EGLN1: variants seen among roughly 807,000 people sequenced by gnomAD.
EGLN1 encodes egl-9 family hypoxia inducible factor 1, also known as egl nine homolog 1.
EGLN1 carries 17 observed loss-of-function variants against 38.3 expected under a neutral mutation model. The ratio of observed to expected loss-of-function variants is 0.44; its 90% CI spans 0.30 to 0.67. EGLN1 has a LOEUF of 0.67. Ranked by LOEUF, EGLN1 falls within the 30% of genes least tolerant of loss-of-function variation. EGLN1 has a pLI of 0.08. For synonymous variants in EGLN1, 283 were observed against 257.5 expected, an observed-to-expected ratio of 1.10 and a Z score of -0.95; for missense variants, 477 against 603.3, an observed-to-expected ratio of 0.79 and a Z score of 2.19.
Position 231,421,175 on chromosome 1 carries a change from C to T in EGLN1, c.714G>A (p.Gly238=). 1.2e-6 allele frequency: 2 copies of T among 1,614,176 alleles called. No homozygotes were observed. The highest frequency in any genetic ancestry group is 1.1e-5 in the South Asian group (1 of 91,090). Residue 238 remains glycine (G), a synonymous_variant, in exon 1 of 5, where the codon GGG becomes GGA. Transcript: ENST00000366641. This position sits in a 1 kb window ranked among gnomAD's most constrained non-coding sequence, Gnocchi z 5.5. Reference sequence around the variant, plus strand: ...AGTCACTCTTCTGGCTGACCAGCTGCCCGTCCGTGAACTTCCCGGTGTCGT... The same window carrying T: ...AGTCACTCTTCTGGCTGACCAGCTGTCCGTCCGTGAACTTCCCGGTGTCGT... The part of the protein sequence containing the change: ...ALHDTGKFTD[G]QLVSQKSDSS...
intron 1 of EGLN1, among the ~76,000 whole-genome samples, chr1:231,401,709 ACT>A (rs1215579399): frequency 3.3e-5 from 5 of 152,068 alleles, no homozygotes; most frequent in African/African-American, 1.2e-4. Flanking sequence ...GATGAAGCAC[ACT>A]CTGTTTACTC....
chr1:231,367,997 T>C (rs935256619), intron 3 of EGLN1, among the ~76,000 whole-genome samples: 4 of 151,836 alleles, frequency 2.6e-5, no homozygotes, highest in South Asian at 2.1e-4. Context: ...ACCTGGCCAA[T>C]AGGGTGAAAC....
chr1:231,384,070 T>C (rs11122280), intron 1 of EGLN1, among the ~76,000 whole-genome samples: 87,563 of 151,626 alleles, frequency 0.58, 26,019 homozygotes, highest in Non-Finnish European at 0.65. Flanking sequence ...TAGATGAGAG[T>C]CAGAATAAAG....
At chr1:231,375,156 A>G (rs1054253825) in intron 1 of EGLN1, among the ~76,000 whole-genome samples, 44 of 152,292 alleles carry the variant, frequency 2.9e-4, no homozygotes, top group Admixed American at 2.5e-3. Flanking sequence ...TCCAGGTTCA[A>G]GCGATTCTCC....
At chr1:231,384,331 C>CAGGAA (rs1362953571) in intron 1 of EGLN1, among the ~76,000 whole-genome samples, 1 of 148,684 alleles carries the variant, frequency 6.7e-6, no homozygotes, top group Non-Finnish European at 1.5e-5. Flanking sequence ...TTTATTCTAG[C>CAGGAA]AGGAAAAGAA....
At chr1:231,387,634 T>C (rs370061065) in intron 1 of EGLN1, among the ~76,000 whole-genome samples, 1 of 152,236 alleles carries the variant, frequency 6.6e-6, no homozygotes, top group South Asian at 2.1e-4. Flanking sequence ...GCTGGGATTA[T>C]AGGCGTGAGC....
At chr1:231,378,977 A>G (rs1445919529) in intron 1 of EGLN1, among the ~76,000 whole-genome samples, 1 of 152,168 alleles carries the variant, frequency 6.6e-6, no homozygotes, top group African/African-American at 2.4e-5. Flanking sequence ...TAGGCCAGGC[A>G]TGGATTACCT....
intron 1 of EGLN1, among the ~76,000 whole-genome samples, chr1:231,376,602 G>T (rs762846560): frequency 6.6e-6 from 1 of 152,052 alleles, no homozygotes; most frequent in South Asian, 2.1e-4. Flanking sequence ...ACTTGGTCTC[G>T]GAAGGTATTG....
At chr1:231,372,008 TAAAGAAC>T (rs1347182658) in intron 2 of EGLN1, among the ~76,000 whole-genome samples, 1 of 152,214 alleles carries the variant, frequency 6.6e-6, no homozygotes, top group African/African-American at 2.4e-5. Context: ...TGCAAACATC[TAAAGAAC>T]CTCCAAACTG....
At chr1:231,406,490 T>C (rs1055240704) in intron 1 of EGLN1, among the ~76,000 whole-genome samples, 4 of 152,060 alleles carry the variant, frequency 2.6e-5, no homozygotes, top group African/African-American at 9.7e-5. Flanking sequence ...TTTTGTTCTA[T>C]AGCCAGACTG....
chr1:231,399,353 A>G (rs1289762701), intron 1 of EGLN1, among the ~76,000 whole-genome samples: 11 of 152,234 alleles, frequency 7.2e-5, no homozygotes, highest in African/African-American at 2.7e-4. Context: ...TTCCAAGGTC[A>G]TACAGCTAAT....
intron 1 of EGLN1, among the ~76,000 whole-genome samples, chr1:231,402,324 GTTT>G (rs34515157): frequency 0.55 from 82,537 of 151,398 alleles, 24,081 homozygotes; most frequent in Non-Finnish European, 0.65. Context: ...ATTTATCAGT[GTTT>G]TTCTTTTATG....
At position 231,416,604 on chromosome 1, in the gene EGLN1, G is replaced by A. The variant is rs145747348; in HGVS notation, c.891+4394C>T. On this transcript the variant is annotated intron_variant, in intron 1 of 4. Coordinates refer to ENST00000366641, the MANE Select transcript of EGLN1 (RefSeq NM_022051.3). The stretch of plus-strand genomic sequence containing the variant: ...CAGTCTTGAACTCCTGGGCTCAAGC[G>A]ATCCTCCTGCCTCAGCCCCTCAAAA... 7.3e-3 allele frequency among the ~76,000 whole-genome samples: 1,108 copies of A among 151,972 alleles called. 6 individuals carry two copies. The highest frequency in any genetic ancestry group is 0.011 in the South Asian group (53 of 4,814).
chr1:231,387,360 A>ATTTT (rs1464252140), intron 1 of EGLN1, among the ~76,000 whole-genome samples: 9 of 135,908 alleles, frequency 6.6e-5, no homozygotes, highest in East Asian at 2.1e-4. Flanking sequence ...TATTTTTTTA[A>ATTTT]TTTTTTTTTT....
intron 1 of EGLN1, among the ~76,000 whole-genome samples, chr1:231,401,029 C>A (rs1169404962): frequency 6.6e-6 from 1 of 152,102 alleles, no homozygotes; most frequent in Non-Finnish European, 1.5e-5. Flanking sequence ...CCAGCCTGGG[C>A]AACAGAGTGA....
chr1:231,419,698 A>T lies in EGLN1; in HGVS notation c.891+1300T>A, dbSNP rs1161535470. Reference sequence around the variant, plus strand: ...CTTTTTAAGACTACAAGAAATTAAGACTTGTGCCTTCATCCAGCAATGAAG... The same window carrying T: ...CTTTTTAAGACTACAAGAAATTAAGTCTTGTGCCTTCATCCAGCAATGAAG... On this transcript the variant is annotated intron_variant, in intron 1 of 4. Coordinates refer to ENST00000366641, the MANE Select transcript of EGLN1 (RefSeq NM_022051.3). Among the ~76,000 whole-genome samples, 6 of 152,214 alleles carry T rather than the reference A, an allele frequency of 3.9e-5. No homozygotes were observed. The East Asian group carries it at 1.2e-3, about 29-fold the overall frequency.
rs542924332 is a variant in EGLN1, at chr1:231,374,056, C to T, written c.935G>A (p.Arg312His). ...CYPGNGTGYV[R>H]HVDNPNGDGR... ...ATCTCCATTTGGATTATCAACATGA[C>T]GTACATAACCCGTTCCATTGCCCGG... The change falls in exon 2 of 5, where the codon CGT becomes CAT. Residue 312 changes from arginine to histidine, a missense_variant. Arg to His is a conservative substitution (Grantham distance 29). Around this residue, in one of 4 missense-constraint regions of EGLN1, gnomAD observed 119 missense variants for 179.0 expected, o/e 0.66. Transcript: ENST00000366641. 1.9e-6 allele frequency: 3 copies of T among 1,613,290 alleles called. No individual in the cohort carries two copies. Among genetic ancestry groups the T allele is most frequent in the Admixed American group, 1.7e-5 (1 of 60,010 alleles).
At chr1:231,377,174 T>G (rs939980994) in intron 1 of EGLN1, among the ~76,000 whole-genome samples, 5 of 152,232 alleles carry the variant, frequency 3.3e-5, no homozygotes, top group African/African-American at 1.2e-4. Flanking sequence ...CTAAGTAATT[T>G]GTGCATAACA....
intron 1 of EGLN1, among the ~76,000 whole-genome samples, chr1:231,375,757 T>A (rs1053133028): frequency 2.6e-5 from 4 of 152,176 alleles, no homozygotes; most frequent in Admixed American, 1.3e-4. Flanking sequence ...TTCTTGTCAC[T>A]AGCTACCCAG....
Sources: gnomAD v4.1 joint callset for allele counts (sites outside exome capture counted in the v4.1 genomes callset) on GRCh38, gnomAD v4.1.1 for gene constraint, gnomAD v4.1.1 regional missense constraint, Gnocchi (gnomAD v3.1) non-coding constraint, MANE v1.5 for transcripts, NCBI Gene and HGNC (gene_info 2026-07-23, HGNC 2026-07-21) for gene names.